Variants in TXNDC16 observed in about 807,000 individuals in gnomAD.
TXNDC16 encodes thioredoxin domain containing 16, also known as thioredoxin domain-containing protein 16.
In TXNDC16, 74 loss-of-function variants were observed where a neutral mutation model predicts 85.6. That is an observed-to-expected ratio of 0.86 (90% CI 0.72 to 1.05). TXNDC16 has a LOEUF of 1.05. Ranked by LOEUF, TXNDC16 falls within the 50% of genes least tolerant of loss-of-function variation. The probability of loss-of-function intolerance (pLI) is 0.00; values close to 1 mark genes in which losing one functional copy is unlikely to be tolerated. For synonymous variants in TXNDC16, 335 were observed against 326.5 expected (o/e 1.03, Z -0.28); for missense variants, 959 against 947.0 (o/e 1.01, Z -0.17).
At position 52,439,220 on chromosome 14, in the gene TXNDC16, T is replaced by A. The variant is rs755069094; in HGVS notation, c.2178A>T (p.Gly726=). Residue 726 remains glycine, a synonymous_variant, in exon 20 of 21, where the codon GGA becomes GGT. Coordinates refer to ENST00000281741, the MANE Select transcript of TXNDC16 (RefSeq NM_020784.3). ...LVLWLKKLEA[G]LENHITILPA... is the part of the protein sequence containing the mutation. ...AAAACTTACTGATATGATTTTCTAG[T>A]CCTGCTTCTAATTTCTTCAGCCACA... The A allele has an allele frequency of 1.9e-6, 3 of 1,613,904 alleles. No homozygotes were observed. In the South Asian group the frequency reaches 3.3e-5, roughly 18 times the overall value.
intron 1 of TXNDC16, among the ~76,000 whole-genome samples, chr14:52,545,338 G>A (rs958654350): frequency 6.6e-6 from 1 of 152,080 alleles, no homozygotes; most frequent in African/African-American, 2.4e-5. Context: ...ATATGTGAAA[G>A]CACTGTGCTT....
intron 1 of TXNDC16, among the ~76,000 whole-genome samples, chr14:52,549,383 A>G (rs2038000275): frequency 6.6e-6 from 1 of 152,230 alleles, no homozygotes; most frequent in South Asian, 2.1e-4. Flanking sequence ...AAAAGGGCTA[A>G]AGCGTGCACA....
intron 6 of TXNDC16, among the ~76,000 whole-genome samples, chr14:52,524,458 T>C (rs1425301095): frequency 6.6e-6 from 1 of 152,208 alleles, no homozygotes; most frequent in African/African-American, 2.4e-5. Flanking sequence ...TCTTTTCTTT[T>C]TGCATCATTT....
chr14:52,545,972 G>C (rs1291249100), intron 1 of TXNDC16, among the ~76,000 whole-genome samples: 1 of 151,730 alleles, frequency 6.6e-6, no homozygotes, highest in Non-Finnish European at 1.5e-5. Flanking sequence ...TTTACCTCCA[G>C]TAATTAGAAA....
chr14:52,470,803 A>C, intron 14 of TXNDC16, 123 bp from the exon 15 acceptor site: 2 of 803,826 alleles, frequency 2.5e-6, no homozygotes, highest in Non-Finnish European at 3.8e-6. Flanking sequence ...CTCCTGCTTA[A>C]ACACTCTCTT....
chr14:52,442,327 AAC>A (rs1263667776), intron 18 of TXNDC16, among the ~76,000 whole-genome samples: 15 of 152,198 alleles, frequency 9.9e-5, no homozygotes, highest in African/African-American at 3.4e-4. Context: ...TGGGGAAGCC[AAC>A]ACAGAGACTA....
intron 18 of TXNDC16, among the ~76,000 whole-genome samples, chr14:52,448,852 G>A (rs1491001994): frequency 6.6e-6 from 1 of 151,896 alleles, no homozygotes; most frequent in Non-Finnish European, 1.5e-5. Context: ...TCCTTTGCTT[G>A]TTCGTTTATG....
At position 52,552,340 on chromosome 14, in the gene TXNDC16, C is replaced by A. The variant is rs1310875321; in HGVS notation, c.-206G>T. ...CCTGCCCGGGACCTGCGGGCGGGGA[C>A]CTGGGCCGTTCCCGAGGCCGCGCGG... On this transcript the variant is annotated 5_prime_UTR_variant, in exon 1 of 21. Coordinates refer to ENST00000281741, the MANE Select transcript of TXNDC16 (RefSeq NM_020784.3). 6.6e-6 allele frequency: 1 copy of A among 152,362 alleles called. No homozygotes were observed. The highest frequency in any genetic ancestry group is 2.4e-5 in the African/African-American group (1 of 41,464). 9.4% of individuals were successfully genotyped at this position (152,362 alleles called of 1,614,324 possible).
intron 6 of TXNDC16, among the ~76,000 whole-genome samples, chr14:52,535,729 CTT>C (rs2037684887): frequency 6.6e-6 from 1 of 152,122 alleles, no homozygotes; most frequent in African/African-American, 2.4e-5. Flanking sequence ...GGCCAGAAAA[CTT>C]AAACTTTCTC....
Position 52,482,838 on chromosome 14 carries a change from T to C in TXNDC16, c.1236A>G (p.Val412=). ...NATVMASDSI[V]LFYAGWQAVS... ...CATACTCACAACCAGCATAGAAGAGTACTATGCTGTCAGAAGCCATCACTG... is the reference window on the plus strand; with the variant it reads ...CATACTCACAACCAGCATAGAAGAGCACTATGCTGTCAGAAGCCATCACTG... The change falls in exon 13 of 21, where the codon GTA becomes GTG. Residue 412 remains valine, a synonymous_variant. Transcript: ENST00000281741. 1 of 1,611,116 alleles carries C rather than the reference T, an allele frequency of 6.2e-7. No homozygotes were observed.
intron 6 of TXNDC16, among the ~76,000 whole-genome samples, chr14:52,526,106 C>T (rs2140202276): frequency 6.6e-6 from 1 of 152,232 alleles, no homozygotes; most frequent in East Asian, 1.9e-4. Flanking sequence ...TATTACCATT[C>T]TTAACCCCAT....
intron 6 of TXNDC16, among the ~76,000 whole-genome samples, chr14:52,531,399 C>A (rs552791257): frequency 6.6e-6 from 1 of 152,198 alleles, no homozygotes; most frequent in Admixed American, 6.5e-5. Context: ...TTTATAATTG[C>A]CAAAACTTGG....
intron 1 of TXNDC16, among the ~76,000 whole-genome samples, chr14:52,547,040 G>A (rs1199378046): frequency 1.3e-5 from 2 of 152,232 alleles, no homozygotes; most frequent in East Asian, 3.8e-4. Context: ...AGATAGATTA[G>A]TACTGTGTGA....
At chr14:52,507,811 G>A (rs565187501) in intron 9 of TXNDC16, among the ~76,000 whole-genome samples, 1 of 152,256 alleles carries the variant, frequency 6.6e-6, no homozygotes, top group Non-Finnish European at 1.5e-5. Flanking sequence ...CAAGAAATTG[G>A]GGAAAGGATT....
chr14:52,496,244 A>G (rs2036529822), intron 9 of TXNDC16, among the ~76,000 whole-genome samples: 1 of 152,032 alleles, frequency 6.6e-6, no homozygotes, highest in African/African-American at 2.4e-5. Context: ...ACCACTATAT[A>G]CACTCCTAGT....
chr14:52,441,069 T>A (rs111470120), intron 18 of TXNDC16, among the ~76,000 whole-genome samples: 159 of 152,314 alleles, frequency 1.0e-3, no homozygotes, highest in African/African-American at 3.7e-3. Context: ...GTTATATTTT[T>A]TCCTCTAACA....
intron 5 of TXNDC16, 110 bp from the exon 6 acceptor site, chr14:52,536,903 C>A: frequency 1.1e-6 from 1 of 897,356 alleles, no homozygotes; most frequent in Non-Finnish European, 1.7e-6. Context: ...TTTGATGTTA[C>A]AGCTGTGTCT....
chr14:52,529,466 C>G (rs35763882), intron 6 of TXNDC16, among the ~76,000 whole-genome samples: 49,127 of 111,520 alleles, frequency 0.44, 12,404 homozygotes, highest in East Asian at 0.69. Context: ...AAAACTTTAA[C>G]TATAATAATA....
chr14:52,440,599 T>G lies in TXNDC16; in HGVS notation c.1968A>C (p.Lys656Asn). ...KKAILTLVKQ[K>N]YLDSFTPCWL... ...AGCATGGAGTAAATGAATCCAAGTA[T>G]TTCTGCTTTACCAGTGTCAATATTG... The change falls in exon 19 of 21, where the codon AAA (lysine) becomes AAC (asparagine). Residue 656 changes from lysine to asparagine, a missense_variant. Coordinates refer to ENST00000281741, the MANE Select transcript of TXNDC16 (RefSeq NM_020784.3). The G allele has an allele frequency of 6.2e-7, 1 of 1,607,742 alleles. No individual in the cohort carries two copies. Among genetic ancestry groups the G allele is most frequent in the Non-Finnish European group, 8.5e-7 (1 of 1,178,078 alleles).
Sources: gnomAD v4.1 joint callset for allele counts (sites outside exome capture counted in the v4.1 genomes callset) on GRCh38, gnomAD v4.1.1 for gene constraint, MANE v1.5 for transcripts, NCBI Gene and HGNC (gene_info 2026-07-23, HGNC 2026-07-21) for gene names.